The following COLEC12 variants were observed in gnomAD, a reference collection of about 807,000 sequenced individuals.
The protein encoded by COLEC12 is collectin-12.
Under a neutral mutation model 71.1 loss-of-function variants are expected in COLEC12, and 33 were observed. The ratio of observed to expected loss-of-function variants is 0.46; its 90% CI spans 0.35 to 0.62. The LOEUF is 0.62. Ranked by LOEUF, COLEC12 falls within the 20% of genes least tolerant of loss-of-function variation. The pLI, the probability that COLEC12 is intolerant of heterozygous loss-of-function variation, is 0.00. For synonymous variants in COLEC12, 350 were observed against 353.0 expected (o/e 0.99, Z 0.10); for missense variants, 765 against 916.1 (o/e 0.84, Z 2.13).
At chr18:495,602 C>A (rs140252868) in intron 1 of COLEC12, among the ~76,000 whole-genome samples, 29 of 152,318 alleles carry the variant, frequency 1.9e-4, no homozygotes, top group African/African-American at 6.7e-4. Flanking sequence ...CCTCCACTGG[C>A]TGACTGAAGA....
intron 2 of COLEC12, among the ~76,000 whole-genome samples, chr18:389,096 T>C (rs1043649171): frequency 3.9e-5 from 6 of 152,130 alleles, no homozygotes; most frequent in African/African-American, 1.4e-4. Context: ...TTATAATTGA[T>C]AGCATTCAGC....
chr18:404,570 C>T (rs554077543), intron 2 of COLEC12, among the ~76,000 whole-genome samples: 1 of 152,266 alleles, frequency 6.6e-6, no homozygotes, highest in African/African-American at 2.4e-5. Flanking sequence ...AACGGAGGGA[C>T]CAGCTGGAGC....
intron 2 of COLEC12, among the ~76,000 whole-genome samples, chr18:393,476 C>T (rs1200154279): frequency 1.3e-5 from 2 of 152,058 alleles, no homozygotes; most frequent in Non-Finnish European, 2.9e-5. Context: ...ATCTTCTTCC[C>T]ACCTCTAACA....
intron 2 of COLEC12, among the ~76,000 whole-genome samples, chr18:365,010 G>A (rs1232477959): frequency 6.6e-6 from 1 of 152,084 alleles, no homozygotes; most frequent in Non-Finnish European, 1.5e-5. Context: ...ACAAAACAAA[G>A]CAAGATAAAG....
chr18:441,334 G>C (rs1252880371), intron 2 of COLEC12, among the ~76,000 whole-genome samples: 2 of 152,142 alleles, frequency 1.3e-5, no homozygotes, highest in African/African-American at 4.8e-5. Flanking sequence ...TGCAGCTTAT[G>C]TGAGCTCAAG....
intron 2 of COLEC12, among the ~76,000 whole-genome samples, chr18:380,826 A>G (rs2143560252): frequency 6.6e-6 from 1 of 152,288 alleles, no homozygotes; most frequent in Middle Eastern, 3.4e-3. Context: ...ACTCAGGCAG[A>G]GTACGTAAGT....
Position 399,513 on chromosome 18 carries a change from ATT to A in COLEC12, c.59-41993_59-41992del, listed in dbSNP as rs1183019892. Among the ~76,000 whole-genome samples the A allele has an allele frequency of 7.9e-5, 12 of 152,162 alleles. No homozygotes were observed. Among genetic ancestry groups the A allele is most frequent in the African/African-American group, 2.9e-4 (12 of 41,428 alleles). On this transcript the variant is annotated intron_variant, in intron 2 of 9. Coordinates refer to ENST00000400256, the MANE Select transcript of COLEC12 (RefSeq NM_130386.3). The surrounding 1 kb of genome is among the most constrained non-coding windows in gnomAD (Gnocchi z 4.0). ...TCACTAATGTATTCATTTAGCAAAT[ATT>A]TATTGACCTCCTCCTAAGTGTCAGG...
Position 357,429 on chromosome 18 carries a change from G to A in COLEC12, c.152C>T (p.Thr51Ile), listed in dbSNP as rs1424395755. The change falls in exon 3 of 10, where the codon ACA becomes ATA. Residue 51 changes from threonine (T) to isoleucine (I), a missense_variant. Coordinates refer to ENST00000400256, the MANE Select transcript of COLEC12 (RefSeq NM_130386.3). The stretch of plus-strand genomic sequence containing the variant: ...ATATCCCAAAATGGCTACTGTGATT[G>A]TTAGCAAGGCACACAAAATGTATAA... ...ILLYILCALL[T>I]ITVAILGYKV... The A allele has an allele frequency of 6.2e-7, 1 of 1,601,564 alleles. No homozygotes were observed. Among genetic ancestry groups the A allele is most frequent in the Non-Finnish European group, 8.5e-7 (1 of 1,176,188 alleles).
chr18:349,108 T>C (rs542709182), intron 3 of COLEC12, among the ~76,000 whole-genome samples: 1 of 152,206 alleles, frequency 6.6e-6, no homozygotes, highest in Admixed American at 6.5e-5. Context: ...ATGGGGAAAA[T>C]GTCTTCAGGG....
chr18:445,003 G>T (rs572476508), intron 2 of COLEC12, among the ~76,000 whole-genome samples: 74 of 152,194 alleles, frequency 4.9e-4, no homozygotes, highest in African/African-American at 1.8e-3. Context: ...ATTTTTAAAC[G>T]AAGGTCAAAT....
Position 362,408 on chromosome 18 carries a change from G to A in COLEC12, c.59-4886C>T, listed in dbSNP as rs542591875. ...TGGGAGGACATCTGGCCAAACACAC[G>A]GATGCCTACTACAAAGGGACCCTGC... On this transcript the variant is annotated intron_variant, in intron 2 of 9. Transcript: ENST00000400256. The surrounding 1 kb of genome is among the most constrained non-coding windows in gnomAD (Gnocchi z 4.6). 3.2e-4 allele frequency among the ~76,000 whole-genome samples: 48 copies of A among 152,192 alleles called. No individual in the cohort carries two copies. Among genetic ancestry groups the A allele is most frequent in the Non-Finnish European group, 5.1e-4 (35 of 68,012 alleles).
chr18:340,081 A>AAAAAAAAC (rs1914212542), intron 5 of COLEC12, among the ~76,000 whole-genome samples: 1 of 151,256 alleles, frequency 6.6e-6, no homozygotes, highest in African/African-American at 2.4e-5. Flanking sequence ...AAGCAAAAAA[A>AAAAAAAAC]AAAAAAAAAA....
At chr18:497,680 A>T (rs919653080) in intron 1 of COLEC12, among the ~76,000 whole-genome samples, 1 of 152,200 alleles carries the variant, frequency 6.6e-6, no homozygotes, top group Non-Finnish European at 1.5e-5. Context: ...GATTACAGGC[A>T]TGAGCCACTG....
At chr18:350,262 G>A (rs1684903989) in intron 3 of COLEC12, among the ~76,000 whole-genome samples, 2 of 152,060 alleles carry the variant, frequency 1.3e-5, no homozygotes, top group African/African-American at 4.8e-5. Flanking sequence ...AGATCTGATG[G>A]GTTTCCACTT....
At chr18:414,557 C>T (rs1049851312) in intron 2 of COLEC12, among the ~76,000 whole-genome samples, 2 of 152,160 alleles carry the variant, frequency 1.3e-5, no homozygotes, top group Non-Finnish European at 2.9e-5. Flanking sequence ...GAGATCATGC[C>T]ATTGCACTCC....
intron 2 of COLEC12, among the ~76,000 whole-genome samples, chr18:384,451 G>C (rs1181849345): frequency 6.6e-6 from 1 of 152,158 alleles, no homozygotes; most frequent in Non-Finnish European, 1.5e-5. Flanking sequence ...GTTACCTGCA[G>C]ATAGATGAAG....
rs373655994 is a variant in COLEC12 at position 468,210 on chromosome 18, C to T, written c.58+12497G>A. Among the ~76,000 whole-genome samples, 5 of 147,418 alleles carry T rather than the reference C, an allele frequency of 3.4e-5. No homozygotes were observed. In the East Asian group the frequency reaches 7.9e-4, roughly 23 times the overall value. On this transcript the variant is annotated intron_variant, in intron 2 of 9. Coordinates refer to ENST00000400256, the MANE Select transcript of COLEC12 (RefSeq NM_130386.3). ...CCGGTAGGCGGAGGTTGCAGTGAGC[C>T]GAGATCGCACCATTGCACTCCAGCC...
chr18:468,912 C>T (rs1917139311), intron 2 of COLEC12, among the ~76,000 whole-genome samples: 1 of 152,232 alleles, frequency 6.6e-6, no homozygotes, highest in South Asian at 2.1e-4. Context: ...TTCTGAACCA[C>T]ATTATTACAC....
At chr18:458,898 G>A (rs141964116) in intron 2 of COLEC12, among the ~76,000 whole-genome samples, 2 of 152,314 alleles carry the variant, frequency 1.3e-5, no homozygotes, top group East Asian at 1.9e-4. Context: ...GCAGTGGCAC[G>A]ATCATGGTTC....
Sources: gnomAD v4.1 joint callset for allele counts (sites outside exome capture counted in the v4.1 genomes callset) on GRCh38, gnomAD v4.1.1 for gene constraint, Gnocchi (gnomAD v3.1) non-coding constraint, MANE v1.5 for transcripts, NCBI Gene and HGNC (gene_info 2026-07-23, HGNC 2026-07-21) for gene names.